DLGAP2: variants seen among roughly 807,000 people sequenced by gnomAD.
DLGAP2 encodes DLG associated protein 2.
DLGAP2 carries 26 observed loss-of-function variants against 100.3 expected under a neutral mutation model. That is an observed-to-expected ratio of 0.26 (90% CI 0.19 to 0.36). DLGAP2 has a LOEUF of 0.36. Ranked by LOEUF, DLGAP2 falls within the 10% of genes least tolerant of loss-of-function variation. The pLI is 1.00. For synonymous variants in DLGAP2, 886 were observed against 630.1 expected (o/e 1.41, Z -6.08); for missense variants, 1,858 against 1,453.2 (o/e 1.28, Z -4.53).
chr8:1,197,423 A>G (rs2116747014), intron 2 of DLGAP2, among the ~76,000 whole-genome samples: 1 of 152,338 alleles, frequency 6.6e-6, no homozygotes, highest in African/African-American at 2.4e-5. Context: ...GGCCCTGGAT[A>G]GAAAATGCTG....
intron 3 of DLGAP2, among the ~76,000 whole-genome samples, chr8:1,370,507 TTAAG>T (rs1394297198): frequency 4.6e-5 from 7 of 152,240 alleles, no homozygotes; most frequent in Non-Finnish European, 8.8e-5. Context: ...GCATCTATAC[TTAAG>T]TAACAAGTCA....
At chr8:1,032,919 G>A (rs1391721767) in intron 2 of DLGAP2, 2 of 152,220 alleles carry the variant, frequency 1.3e-5, no homozygotes, top group African/African-American at 4.8e-5. Context: ...TTAAACTATT[G>A]TGTCTTCGTT....
At chr8:918,658 T>C (rs1000841479) in intron 2 of DLGAP2, among the ~76,000 whole-genome samples, 1 of 152,204 alleles carries the variant, frequency 6.6e-6, no homozygotes, top group Non-Finnish European at 1.5e-5. Context: ...GTGGATTTGT[T>C]TCTGGGAAGA....
intron 2 of DLGAP2, among the ~76,000 whole-genome samples, chr8:997,644 A>G (rs1019221675): frequency 6.6e-6 from 1 of 152,256 alleles, no homozygotes; most frequent in African/African-American, 2.4e-5. Context: ...ACTCATTCCT[A>G]TGCTTCACAC....
At chr8:826,553 G>T (rs915302814) in intron 1 of DLGAP2, among the ~76,000 whole-genome samples, 2 of 152,106 alleles carry the variant, frequency 1.3e-5, no homozygotes, top group Admixed American at 1.3e-4. Context: ...TTTGGGTGCT[G>T]GGTATTTTGT....
chr8:1,421,501 C>G (rs1797086827), intron 3 of DLGAP2, among the ~76,000 whole-genome samples: 3 of 152,128 alleles, frequency 2.0e-5, no homozygotes, highest in Admixed American at 2.0e-4. Context: ...ACGTACTCAG[C>G]CTTTCTATAA....
intron 2 of DLGAP2, among the ~76,000 whole-genome samples, chr8:1,096,963 A>T (rs1804394872): frequency 1.4e-5 from 2 of 143,798 alleles, no homozygotes; most frequent in Admixed American, 6.9e-5. Context: ...CCTCTGTGGC[A>T]TAGAGAGGAC....
chr8:1,063,470 G>T (rs775395217), intron 2 of DLGAP2, among the ~76,000 whole-genome samples: 1 of 151,216 alleles, frequency 6.6e-6, no homozygotes, highest in Non-Finnish European at 1.5e-5. Flanking sequence ...CGATGGTCCA[G>T]TGTGTTTTGG....
At chr8:1,438,880 A>G (rs1797737725) in intron 3 of DLGAP2, among the ~76,000 whole-genome samples, 1 of 152,192 alleles carries the variant, frequency 6.6e-6, no homozygotes, top group African/African-American at 2.4e-5. Context: ...ATATCGTAAT[A>G]TTCACCTTCT....
intron 1 of DLGAP2, among the ~76,000 whole-genome samples, chr8:792,893 A>G (rs1013485104): frequency 6.6e-6 from 1 of 152,144 alleles, no homozygotes; most frequent in African/African-American, 2.4e-5. Flanking sequence ...TATGGGGCTG[A>G]GTGTGTTTTC....
chr8:1,630,181 TAGTA>T (rs1411870011), intron 7 of DLGAP2, among the ~76,000 whole-genome samples: 4 of 152,076 alleles, frequency 2.6e-5, no homozygotes, highest in African/African-American at 4.8e-5. Context: ...GGAATGCTGG[TAGTA>T]AGTGAGACTG....
At chr8:1,031,874 G>T (rs1185565833) in intron 2 of DLGAP2, among the ~76,000 whole-genome samples, 1 of 152,196 alleles carries the variant, frequency 6.6e-6, no homozygotes, top group Non-Finnish European at 1.5e-5. Flanking sequence ...GAATTCACCT[G>T]TGGCCACCAT....
intron 3 of DLGAP2, among the ~76,000 whole-genome samples, chr8:1,351,248 C>G (rs373636213): frequency 8.7e-4 from 37 of 42,746 alleles, no homozygotes; most frequent in Admixed American, 9.5e-4. Flanking sequence ...CGGGTCCTGA[C>G]TGTGTGTGGA....
At chr8:1,480,366 C>G (rs78325580) in intron 3 of DLGAP2, among the ~76,000 whole-genome samples, 2,698 of 152,258 alleles carry the variant, frequency 0.018, 69 homozygotes, top group African/African-American at 0.062. Context: ...CTCTGTCTTT[C>G]TTCCTAATAC....
intron 5 of DLGAP2, among the ~76,000 whole-genome samples, chr8:1,561,241 CTTTCCTTT>C (rs55932589): frequency 0.35 from 52,607 of 151,832 alleles, 9,622 homozygotes; most frequent in Middle Eastern, 0.51. Context: ...AGTTAAACCT[CTTTCCTTT>C]ATAAATTGCC....
At chr8:1,409,470 C>T (rs1340764153) in intron 3 of DLGAP2, among the ~76,000 whole-genome samples, 1 of 152,198 alleles carries the variant, frequency 6.6e-6, no homozygotes, top group Non-Finnish European at 1.5e-5. Context: ...AGACTGATTT[C>T]AGAAATTCTC....
At chr8:1,292,779 C>T (rs773294084) in intron 3 of DLGAP2, among the ~76,000 whole-genome samples, 1 of 152,024 alleles carries the variant, frequency 6.6e-6, no homozygotes, top group Non-Finnish European at 1.5e-5. Context: ...CCCCTTTCCA[C>T]TCATGTCACC....
rs559297014 is a variant in DLGAP2 at position 1,149,394 on chromosome 8, A to G, written c.74-109457A>G. ...GATCTCCGGACCTCGTGATCCGCTC[A>G]CCTCGGCCTCCCAAAGTGCTGGGAT... On this transcript the variant is annotated intron_variant, in intron 2 of 14. Transcript: ENST00000637795. Among the ~76,000 whole-genome samples the G allele has an allele frequency of 2.0e-5, 3 of 151,880 alleles. No homozygotes were observed. The South Asian group carries it at 6.3e-4, about 32-fold the overall frequency.
intron 3 of DLGAP2, among the ~76,000 whole-genome samples, chr8:1,448,584 C>T (rs1048001831): frequency 3.9e-5 from 6 of 152,162 alleles, no homozygotes; most frequent in Admixed American, 3.9e-4. Context: ...GTGGAGAGTT[C>T]TGTAGATGTC....
Sources: gnomAD v4.1 joint callset for allele counts (sites outside exome capture counted in the v4.1 genomes callset) on GRCh38, gnomAD v4.1.1 for gene constraint, MANE v1.5 for transcripts, NCBI Gene and HGNC (gene_info 2026-07-23, HGNC 2026-07-21) for gene names.